The following KYNU variants were observed in gnomAD, a reference collection of about 807,000 sequenced individuals.
KYNU encodes the protein L-kynurenine hydrolase.
A neutral mutation model predicts 59.2 loss-of-function variants in KYNU; 54 were observed. The ratio of observed to expected loss-of-function variants is 0.91; its 90% CI spans 0.73 to 1.14. KYNU has a LOEUF of 1.14. Ranked by LOEUF, KYNU falls within the 50% of genes most tolerant of loss-of-function variation. KYNU has a pLI of 0.00. For missense variants in KYNU, 567 were observed against 554.4 expected, an observed-to-expected ratio of 1.02 and a Z score of -0.23; for synonymous variants, 177 against 192.0, an observed-to-expected ratio of 0.92 and a Z score of 0.65.
At chr2:143,040,762 A>C in intron 13 of KYNU, 104 bp downstream of exon 13, 1 of 708,876 alleles carries the variant, frequency 1.4e-6, no homozygotes, top group Non-Finnish European at 2.4e-6. Flanking sequence ...ATTTCACATC[A>C]GTCAGTCAAT....
Position 142,918,724 on chromosome 2 carries a change from C to CA in KYNU, c.289dup (p.Ile97AsnfsTer7). ...TTGAAGAAGAACTAGATAAGTGGGC[C>CA]AAAATGTAAGTATTATTTTAAAAGC... On this transcript the variant is annotated frameshift_variant, in exon 3 of 14. Coordinates refer to ENST00000264170, the MANE Select transcript of KYNU (RefSeq NM_003937.3). LOFTEE classifies it high-confidence loss of function. The CA allele has an allele frequency of 6.2e-7, 1 of 1,610,518 alleles. No individual in the cohort carries two copies. The highest frequency in any genetic ancestry group is 8.5e-7 in the Non-Finnish European group (1 of 1,177,682).
rs112594650 is a variant in KYNU, at chr2:142,890,766, C to T, written c.169+5230C>T. 8.1e-4 allele frequency among the ~76,000 whole-genome samples: 123 copies of T among 152,268 alleles called. 1 individual carries two copies. The highest frequency in any genetic ancestry group is 2.9e-3 in the African/African-American group (120 of 41,536). ...GTGCTGGGATTACAGGTGTAAGCCA[C>T]CATGCCAGGCAGGATTAGCAGTTTT... is the stretch of plus-strand genomic sequence containing the variant. On this transcript the variant is annotated intron_variant, in intron 2 of 13. Coordinates refer to ENST00000264170, the MANE Select transcript of KYNU (RefSeq NM_003937.3).
rs529125879 is a variant in KYNU, at chr2:142,904,947, CA to C, written c.170-13661del. ...GCGTGCCCAACATTGCCTTTGTGCT[CA>C]GGGGTGAGTCCTAGAGCTGGGCTGA... On this transcript the variant is annotated intron_variant, in intron 2 of 13. Coordinates refer to ENST00000264170, the MANE Select transcript of KYNU (RefSeq NM_003937.3). Among the ~76,000 whole-genome samples, 14 of 152,276 alleles carry C rather than the reference CA, an allele frequency of 9.2e-5. No individual in the cohort carries two copies. In the South Asian group the frequency reaches 2.9e-3, roughly 32 times the overall value.
chr2:143,020,648 G>A (rs940077383), intron 10 of KYNU, among the ~76,000 whole-genome samples: 2 of 152,144 alleles, frequency 1.3e-5, no homozygotes, highest in Non-Finnish European at 1.5e-5. Context: ...GGTCCATTTG[G>A]TAGACTATAG....
chr2:142,977,266 A>G (rs1361565608), intron 8 of KYNU, among the ~76,000 whole-genome samples: 1 of 150,890 alleles, frequency 6.6e-6, no homozygotes. Context: ...AATATTTTCT[A>G]CCATCTGAAT....
At chr2:143,041,293 A>T (rs145623886) in intron 13 of KYNU, among the ~76,000 whole-genome samples, 2 of 152,026 alleles carry the variant, frequency 1.3e-5, no homozygotes, top group Non-Finnish European at 2.9e-5. Flanking sequence ...TGCTTGGCTC[A>T]TGTTTACCTG....
intron 8 of KYNU, among the ~76,000 whole-genome samples, chr2:142,975,002 A>G (rs1254872260): frequency 1.3e-5 from 2 of 152,158 alleles, no homozygotes; most frequent in Admixed American, 6.6e-5. Flanking sequence ...AATTCTAATG[A>G]TAAAGTCAGG....
At chr2:143,004,616 A>G (rs936390420) in intron 10 of KYNU, among the ~76,000 whole-genome samples, 1 of 152,064 alleles carries the variant, frequency 6.6e-6, no homozygotes, top group Non-Finnish European at 1.5e-5. Context: ...CAGGAGAATC[A>G]CTTTAACCAG....
In KYNU at chr2:143,042,393, G is replaced by A; in HGVS notation, c.*221G>A. 2 of 472,156 alleles carry A rather than the reference G, an allele frequency of 4.2e-6. No homozygotes were observed. Among genetic ancestry groups the A allele is most frequent in the Non-Finnish European group, 3.8e-6 (1 of 261,572 alleles). The allele number at this position is 472,156 out of a possible 1,614,324, so 29.2% of individuals were successfully genotyped here. On this transcript the variant is annotated 3_prime_UTR_variant, in exon 14 of 14. Coordinates refer to ENST00000264170, the MANE Select transcript of KYNU (RefSeq NM_003937.3). ...GCTTTGTGTTTGGGGGACCAAAACT[G>A]TGTTGGTTCAAGTATTATCTATACA...
intron 10 of KYNU, among the ~76,000 whole-genome samples, chr2:143,027,819 T>C (rs2104910611): frequency 6.6e-6 from 1 of 152,318 alleles, no homozygotes; most frequent in African/African-American, 2.4e-5. Context: ...AGGTGATAAT[T>C]GTGACATGAT....
At chr2:142,976,418 A>C (rs1357002297) in intron 8 of KYNU, among the ~76,000 whole-genome samples, 1 of 152,164 alleles carries the variant, frequency 6.6e-6, no homozygotes, top group Non-Finnish European at 1.5e-5. Flanking sequence ...TGGCATGGAG[A>C]AGTGTTGTCT....
At chr2:143,012,581 TA>T (rs1686140865) in intron 10 of KYNU, among the ~76,000 whole-genome samples, 2 of 152,298 alleles carry the variant, frequency 1.3e-5, no homozygotes, top group Admixed American at 1.3e-4. Context: ...ATTTTTGTTT[TA>T]TTTTTTACTG....
chr2:142,878,428 T>C (rs1393599500), intron 1 of KYNU, among the ~76,000 whole-genome samples: 5 of 152,182 alleles, frequency 3.3e-5, no homozygotes, highest in African/African-American at 4.8e-5. Flanking sequence ...CATTTCTCAA[T>C]GATATGCTTA....
At chr2:142,959,988 A>G (rs375036367) in intron 7 of KYNU, among the ~76,000 whole-genome samples, 3 of 152,082 alleles carry the variant, frequency 2.0e-5, no homozygotes, top group African/African-American at 4.8e-5. Context: ...GTGCAGTGGC[A>G]CTATTCTCGT....
At chr2:142,979,070 C>T (rs1684977161) in intron 8 of KYNU, among the ~76,000 whole-genome samples, 1 of 151,982 alleles carries the variant, frequency 6.6e-6, no homozygotes, top group Non-Finnish European at 1.5e-5. Flanking sequence ...TCAGCACAGG[C>T]CCTATGTATC....
intron 4 of KYNU, among the ~76,000 whole-genome samples, chr2:142,949,288 A>G (rs1405270894): frequency 6.6e-6 from 1 of 152,180 alleles, no homozygotes; most frequent in Non-Finnish European, 1.5e-5. Flanking sequence ...ACTGGAGGAC[A>G]GTGGCCCTCT....
intron 4 of KYNU, among the ~76,000 whole-genome samples, chr2:142,929,198 G>A (rs1426948589): frequency 6.6e-6 from 1 of 151,354 alleles, no homozygotes. Context: ...ACACATGCAT[G>A]TAACTACTCT....
chr2:142,975,069 C>G (rs1684845679), intron 8 of KYNU, among the ~76,000 whole-genome samples: 1 of 152,128 alleles, frequency 6.6e-6, no homozygotes, highest in African/African-American at 2.4e-5. Context: ...CACCCTCAAG[C>G]CTGGAGACCA....
intron 2 of KYNU, among the ~76,000 whole-genome samples, chr2:142,915,145 G>T (rs924089959): frequency 6.6e-6 from 1 of 152,148 alleles, no homozygotes; most frequent in African/African-American, 2.4e-5. Context: ...AAATATTCTA[G>T]AAATATATTG....
Sources: gnomAD v4.1 joint callset for allele counts (sites outside exome capture counted in the v4.1 genomes callset) on GRCh38, gnomAD v4.1.1 for gene constraint, MANE v1.5 for transcripts, NCBI Gene and HGNC (gene_info 2026-07-23, HGNC 2026-07-21) for gene names.